MROH9: variants seen among roughly 807,000 people sequenced by gnomAD.
The protein encoded by MROH9 is maestro heat like repeat family member 9, also known as maestro heat-like repeat-containing protein family member 9.
MROH9 carries 92 observed loss-of-function variants against 98.2 expected under a neutral mutation model. That is an observed-to-expected ratio of 0.94 (90% confidence interval 0.79 to 1.11). MROH9 has a LOEUF of 1.11. Among genes scored for constraint, MROH9 ranks in the 50% most tolerant of loss-of-function variants. The pLI is 0.00. For missense variants in MROH9, 1,057 were observed against 1,014.8 expected (o/e 1.04, Z -0.57); for synonymous variants, 397 against 368.9 (o/e 1.08, Z -0.87).
chr1:170,964,189 G>T (rs1650136639), intron 6 of MROH9, among the ~76,000 whole-genome samples: 1 of 152,034 alleles, frequency 6.6e-6, no homozygotes. Flanking sequence ...TAAAAAAAAT[G>T]AAAACGGAGA....
Position 171,024,423 on chromosome 1 carries a change from T to C in MROH9, c.1937T>C (p.Ile646Thr). 1.3e-6 allele frequency: 2 copies of C among 1,551,270 alleles called. No homozygotes were observed. The highest frequency in any genetic ancestry group is 1.7e-6 in the Non-Finnish European group (2 of 1,146,832). Reference protein sequence around the residue: ...HINGGIRSMAIRHFGQLVRDM... With the variant: ...HINGGIRSMATRHFGQLVRDM... ...AATGGAGGCATTCGAAGTATGGCAA[T>C]TCGACACTTTGGTCAATTAGTTAGG... The change falls in exon 18 of 22, where the codon ATT (isoleucine) becomes ACT (threonine). Residue 646 changes from isoleucine to threonine, a missense_variant. Physicochemically the swap from Ile to Thr is moderately conservative, Grantham distance 89. Coordinates refer to ENST00000367759, the MANE Select transcript of MROH9 (RefSeq NM_001163629.2).
chr1:170,970,302 T>A (rs1650392103), intron 7 of MROH9, among the ~76,000 whole-genome samples: 2 of 152,018 alleles, frequency 1.3e-5, no homozygotes, highest in Non-Finnish European at 1.5e-5. Context: ...GTACTACTCT[T>A]CTCTCATACC....
At chr1:170,973,551 T>C (rs1034222309) in intron 8 of MROH9, among the ~76,000 whole-genome samples, 1 of 152,070 alleles carries the variant, frequency 6.6e-6, no homozygotes, top group Non-Finnish European at 1.5e-5. Context: ...CTCAACAAGT[T>C]AAAATTAACA....
At chr1:171,042,695 G>A (rs950244587) in intron 20 of MROH9, among the ~76,000 whole-genome samples, 5 of 152,004 alleles carry the variant, frequency 3.3e-5, no homozygotes, top group African/African-American at 9.7e-5. Flanking sequence ...CGGGGTGACA[G>A]GATGTCATTG....
At chr1:171,045,126 G>A (rs1226510111) in intron 20 of MROH9, among the ~76,000 whole-genome samples, 6 of 149,672 alleles carry the variant, frequency 4.0e-5, no homozygotes, top group African/African-American at 1.2e-4. Flanking sequence ...CTCAGCCTCC[G>A]AGTAGCTGGG....
intron 20 of MROH9, among the ~76,000 whole-genome samples, chr1:171,050,601 T>C (rs1456479093): frequency 2.6e-5 from 4 of 151,136 alleles, no homozygotes; most frequent in African/African-American, 9.7e-5. Context: ...TGTAACATCA[T>C]ATCATCAGTG....
chr1:170,971,070 C>A (rs1184075733), intron 7 of MROH9, among the ~76,000 whole-genome samples: 1 of 152,116 alleles, frequency 6.6e-6, no homozygotes, highest in East Asian at 1.9e-4. Context: ...AATGCCTTTT[C>A]TACCTTTCCT....
At chr1:171,003,872 G>C (rs910318498) in intron 15 of MROH9, among the ~76,000 whole-genome samples, 4 of 152,080 alleles carry the variant, frequency 2.6e-5, no homozygotes, top group African/African-American at 9.7e-5. Flanking sequence ...TGGGGATGGG[G>C]CTAGGTGTGA....
intron 1 of MROH9, among the ~76,000 whole-genome samples, chr1:170,938,702 T>C (rs557647906): frequency 8.5e-5 from 13 of 152,358 alleles, no homozygotes; most frequent in African/African-American, 2.4e-4. Flanking sequence ...GGCAGAAGCA[T>C]TGCATACCTG....
chr1:171,059,649 A>C (rs1571176525), intron 20 of MROH9, among the ~76,000 whole-genome samples: 1 of 152,364 alleles, frequency 6.6e-6, no homozygotes, highest in East Asian at 1.9e-4. Context: ...TCAATGATAG[A>C]CTGGATAAAG....
chr1:170,967,515 G>A (rs1052806760), intron 7 of MROH9, among the ~76,000 whole-genome samples: 3 of 152,078 alleles, frequency 2.0e-5, no homozygotes, highest in Admixed American at 6.6e-5. Context: ...TATCATCAAC[G>A]AATATTTGTT....
chr1:171,052,806 G>C (rs904044403), intron 20 of MROH9, among the ~76,000 whole-genome samples: 4 of 152,166 alleles, frequency 2.6e-5, no homozygotes, highest in African/African-American at 9.7e-5. Flanking sequence ...GGGTGGTGCA[G>C]GCTCCTAATG....
chr1:170,986,732 AG>A, intron 10 of MROH9, 22 bp downstream of exon 10: 1 of 1,609,960 alleles, frequency 6.2e-7, no homozygotes, highest in Non-Finnish European at 8.5e-7. Flanking sequence ...GACAATAAGC[AG>A]GAGAGCACAG....
intron 2 of MROH9, among the ~76,000 whole-genome samples, chr1:170,945,852 C>T (rs1649311954): frequency 1.3e-5 from 2 of 151,944 alleles, no homozygotes; most frequent in African/African-American, 4.8e-5. Context: ...ATTCATGAAA[C>T]AAGTGAAAAA....
At position 170,961,931 on chromosome 1, in the gene MROH9, T is replaced by C; in HGVS notation, c.330T>C (p.Leu110=). ...HNILNIYENI[L]TSLVSKDLYK... ...TTTTAAATATATATGAGAACATTCTTACGAGCTTGGTGTCTAAAGACCTCT... is the reference window on the plus strand; with the variant it reads ...TTTTAAATATATATGAGAACATTCTCACGAGCTTGGTGTCTAAAGACCTCT... Residue 110 remains leucine, a synonymous_variant, in exon 6 of 22, where the codon CTT becomes CTC. Coordinates refer to ENST00000367759, the MANE Select transcript of MROH9 (RefSeq NM_001163629.2). 1 of 1,541,690 alleles carries C rather than the reference T, an allele frequency of 6.5e-7. No homozygotes were observed. The highest frequency in any genetic ancestry group is 8.8e-7 in the Non-Finnish European group (1 of 1,138,654).
At chr1:170,936,119 C>T (rs61814149) in intron 1 of MROH9, among the ~76,000 whole-genome samples, 3,258 of 151,098 alleles carry the variant, frequency 0.022, 61 homozygotes, top group Admixed American at 0.045. Context: ...TCATGCCTTA[C>T]TAGTAAGGAT....
intron 20 of MROH9, among the ~76,000 whole-genome samples, chr1:171,053,190 C>A (rs1028278135): frequency 6.6e-6 from 1 of 152,306 alleles, no homozygotes; most frequent in South Asian, 2.1e-4. Context: ...GCTGTGGGAA[C>A]CCTTCACCCA....
chr1:170,943,657 A>C (rs1208906123), intron 1 of MROH9, among the ~76,000 whole-genome samples: 1 of 152,016 alleles, frequency 6.6e-6, no homozygotes, highest in Non-Finnish European at 1.5e-5. Context: ...TAGGAGAAAA[A>C]AAAAAGGAGC....
chr1:170,999,811 G>A (rs1651726560), intron 15 of MROH9, among the ~76,000 whole-genome samples: 1 of 152,076 alleles, frequency 6.6e-6, no homozygotes, highest in African/African-American at 2.4e-5. Flanking sequence ...GTGTAGAAAT[G>A]TTCCCTGATC....
Sources: gnomAD v4.1 joint callset for allele counts (sites outside exome capture counted in the v4.1 genomes callset) on GRCh38, gnomAD v4.1.1 for gene constraint, MANE v1.5 for transcripts, NCBI Gene and HGNC (gene_info 2026-07-23, HGNC 2026-07-21) for gene names.